Variants in STON2 observed in about 807,000 individuals in gnomAD.
The protein encoded by STON2 is stonin-2.
STON2 carries 29 observed loss-of-function variants against 65.7 expected under a neutral mutation model. That is an observed-to-expected ratio of 0.44 (90% CI 0.33 to 0.60). The LOEUF is 0.60. Ranked by LOEUF, STON2 falls within the 20% of genes least tolerant of loss-of-function variation. STON2 has a pLI of 0.03. For synonymous variants in STON2, 404 were observed against 414.2 expected, an observed-to-expected ratio of 0.98 and a Z score of 0.30; for missense variants, 1,054 against 1,118.1, an observed-to-expected ratio of 0.94 and a Z score of 0.82.
At chr14:81,435,645 G>A (rs1902387956) in intron 1 of STON2, among the ~76,000 whole-genome samples, 1 of 152,140 alleles carries the variant, frequency 6.6e-6, no homozygotes, top group South Asian at 2.1e-4. Context: ...CCTTCCAGTA[G>A]GGGTTGCACC....
At chr14:81,411,793 A>G (rs1240491048) in intron 2 of STON2, among the ~76,000 whole-genome samples, 1 of 152,238 alleles carries the variant, frequency 6.6e-6, no homozygotes. Flanking sequence ...AGGGGCTTAC[A>G]TCATGAGGGA....
In STON2 at chr14:81,327,293, G is replaced by A. The variant is rs545661212; in HGVS notation, c.572-3106C>T. Reference sequence around the variant, plus strand: ...CTGCAGTTGGTTCATAGGTGTTGTCGTTTTATCTAAACATTCTTTTTCCAT... The same window carrying A: ...CTGCAGTTGGTTCATAGGTGTTGTCATTTTATCTAAACATTCTTTTTCCAT... On this transcript the variant is annotated intron_variant, in intron 4 of 7. Coordinates refer to ENST00000614646, the MANE Select transcript of STON2 (RefSeq NM_001394390.1). Among the ~76,000 whole-genome samples the A allele has an allele frequency of 7.2e-5, 11 of 151,988 alleles. 1 individual carries two copies. The highest frequency in any genetic ancestry group is 5.8e-4 in the East Asian group (3 of 5,170).
intron 1 of STON2, among the ~76,000 whole-genome samples, chr14:81,428,781 G>C (rs1020066370): frequency 1.3e-5 from 2 of 152,118 alleles, no homozygotes; most frequent in African/African-American, 2.4e-5. Flanking sequence ...CGTTTCTAAG[G>C]CAAACAAATA....
intron 4 of STON2, among the ~76,000 whole-genome samples, chr14:81,331,841 G>A (rs757106133): frequency 5.9e-5 from 9 of 152,184 alleles, no homozygotes; most frequent in Non-Finnish European, 1.0e-4. Context: ...ACTGTGGGAA[G>A]GGCCAGAGGA....
chr14:81,410,278 C>CAAAAAA (rs1161157573), intron 2 of STON2, among the ~76,000 whole-genome samples: 718 of 45,784 alleles, frequency 0.016, 4 homozygotes, highest in Non-Finnish European at 0.025. Flanking sequence ...TAACTCTAAC[C>CAAAAAA]AAAAAAAAAA....
chr14:81,378,976 T>C (rs765464651), intron 3 of STON2, among the ~76,000 whole-genome samples: 1 of 146,872 alleles, frequency 6.8e-6, no homozygotes, highest in Admixed American at 6.6e-5. Flanking sequence ...TTGGAGATTC[T>C]GATCAAGATG....
At chr14:81,271,863 A>G (rs1176023981) in intron 6 of STON2, among the ~76,000 whole-genome samples, 2 of 152,184 alleles carry the variant, frequency 1.3e-5, no homozygotes, top group Non-Finnish European at 2.9e-5. Flanking sequence ...CTTCAGTATG[A>G]TCTTTCAGGT....
chr14:81,299,792 C>G (rs1895898925), intron 5 of STON2, among the ~76,000 whole-genome samples: 1 of 151,894 alleles, frequency 6.6e-6, no homozygotes, highest in Non-Finnish European at 1.5e-5. Context: ...AAGGCCTCTT[C>G]ACTGTTGAGA....
rs1894181015 is a variant in STON2 at position 81,262,308 on chromosome 14, C to T, written c.*6106G>A. 2 of 985,434 alleles carry T rather than the reference C, an allele frequency of 2.0e-6. No individual in the cohort carries two copies. The highest frequency in any genetic ancestry group is 1.7e-5 in the African/African-American group (1 of 57,348). 61.0% of individuals were successfully genotyped at this position (985,434 alleles called of 1,614,324 possible). A position where few individuals can be genotyped will look rare whatever the true frequency, so the allele number is the denominator to read the frequency against. On this transcript the variant is annotated 3_prime_UTR_variant, in exon 8 of 8. Transcript: ENST00000614646. ...TATGAGTGACTTTAAATAAACAATCCTCAATGTCCTCGTGTCTAGCCTTTC... is the reference window on the plus strand; with the variant it reads ...TATGAGTGACTTTAAATAAACAATCTTCAATGTCCTCGTGTCTAGCCTTTC...
intron 1 of STON2, among the ~76,000 whole-genome samples, chr14:81,399,709 G>A (rs1048067816): frequency 2.6e-5 from 4 of 152,154 alleles, no homozygotes; most frequent in South Asian, 2.1e-4. Context: ...CCATTTTGAT[G>A]AGTAGGACTC....
At chr14:81,287,495 C>G (rs776518435) in intron 5 of STON2, among the ~76,000 whole-genome samples, 12 of 152,176 alleles carry the variant, frequency 7.9e-5, no homozygotes, top group Non-Finnish European at 1.5e-4. Flanking sequence ...ACTAAGGTGA[C>G]CTATGAAGCA....
intron 3 of STON2, among the ~76,000 whole-genome samples, chr14:81,384,052 T>A (rs1348364700): frequency 6.6e-6 from 1 of 151,920 alleles, no homozygotes; most frequent in African/African-American, 2.4e-5. Context: ...CATGGAAGAC[T>A]CCTCCCTACT....
At chr14:81,381,578 T>C (rs1158797649) in intron 3 of STON2, among the ~76,000 whole-genome samples, 1 of 147,274 alleles carries the variant, frequency 6.8e-6, no homozygotes, top group African/African-American at 2.7e-5. Context: ...ATCTAGGAAA[T>C]GCAATTTAAA....
At chr14:81,379,398 T>C (rs958585879) in intron 3 of STON2, among the ~76,000 whole-genome samples, 1 of 152,190 alleles carries the variant, frequency 6.6e-6, no homozygotes, top group Non-Finnish European at 1.5e-5. Context: ...TGGAGAAAGA[T>C]ATATATGGAG....
chr14:81,276,176 G>C (rs1037717276), intron 6 of STON2, among the ~76,000 whole-genome samples: 1 of 152,230 alleles, frequency 6.6e-6, no homozygotes, highest in South Asian at 2.1e-4. Flanking sequence ...ACCCACGGGG[G>C]AAGTAATTGC....
intron 3 of STON2, among the ~76,000 whole-genome samples, chr14:81,378,599 T>C (rs1374641532): frequency 1.3e-5 from 2 of 152,228 alleles, no homozygotes; most frequent in East Asian, 1.9e-4. Context: ...CACAGAGTTT[T>C]TGCAAAGTAA....
At chr14:81,297,159 G>A (rs1895793724) in intron 5 of STON2, among the ~76,000 whole-genome samples, 1 of 152,190 alleles carries the variant, frequency 6.6e-6, no homozygotes, top group Non-Finnish European at 1.5e-5. Context: ...TACCACCGCT[G>A]CCTCCAAGAC....
chr14:81,418,040 T>A (rs980754277), intron 2 of STON2: 2 of 152,304 alleles, frequency 1.3e-5, no homozygotes, highest in African/African-American at 4.8e-5. Context: ...GATGGACCCT[T>A]CCTGGCAGCA....
Position 81,398,480 on chromosome 14 carries a change from A to T in STON2, c.-98T>A. On this transcript the variant is annotated 5_prime_UTR_variant, in exon 2 of 8. Transcript: ENST00000614646. ...GAGTAGGGGTATGGTAGTACGGTAG[A>T]CTTGGGTCCAGGGTCTGTTCTAGGT... is the stretch of plus-strand genomic sequence containing the variant. 1.1e-6 allele frequency: 1 copy of T among 886,666 alleles called. No homozygotes were observed. Among genetic ancestry groups the T allele is most frequent in the Non-Finnish European group, 1.8e-6 (1 of 544,254 alleles). The allele number at this position is 886,666 out of a possible 1,614,324, so 54.9% of individuals were successfully genotyped here.
Sources: allele counts gnomAD v4.1 joint callset (sites outside exome capture counted in the v4.1 genomes callset), GRCh38; gene constraint gnomAD v4.1.1; transcripts MANE v1.5; gene names NCBI Gene and HGNC (gene_info 2026-07-23, HGNC 2026-07-21).